Variants in PHLDB2 observed in about 807,000 individuals in gnomAD.
PHLDB2 encodes pleckstrin homology-like domain family B member 2.
A neutral mutation model predicts 123.6 loss-of-function variants in PHLDB2; 71 were observed. The ratio of observed to expected loss-of-function variants is 0.57; its 90% CI spans 0.47 to 0.70. PHLDB2 has a LOEUF of 0.70. Ranked by LOEUF, PHLDB2 falls within the 30% of genes least tolerant of loss-of-function variation. The pLI, the probability that PHLDB2 is intolerant of heterozygous loss-of-function variation, is 0.00. For missense variants in PHLDB2, 1,446 were observed against 1,519.5 expected (o/e 0.95, Z 0.80); for synonymous variants, 547 against 541.6 (o/e 1.01, Z -0.14).
At chr3:111,903,830 A>G (rs538007721) in intron 2 of PHLDB2, among the ~76,000 whole-genome samples, 2 of 152,284 alleles carry the variant, frequency 1.3e-5, no homozygotes, top group South Asian at 2.1e-4. Context: ...GGAGGCACTA[A>G]TCTACTCATC....
chr3:111,958,383 A>T, intron 12 of PHLDB2: 1 of 812,394 alleles, frequency 1.2e-6, no homozygotes, highest in Non-Finnish European at 1.5e-6. Context: ...CTTACTTTCT[A>T]TATTACAGCC....
chr3:111,922,813 A>G (rs1165160451), intron 5 of PHLDB2, among the ~76,000 whole-genome samples: 3 of 152,194 alleles, frequency 2.0e-5, no homozygotes, highest in Non-Finnish European at 2.9e-5. Flanking sequence ...CCTCTGGCTC[A>G]GAGATCATCT....
chr3:111,862,291 T>C (rs1201126990), intron 1 of PHLDB2, among the ~76,000 whole-genome samples: 1 of 152,236 alleles, frequency 6.6e-6, no homozygotes, highest in East Asian at 1.9e-4. Flanking sequence ...CTGTGCCTTA[T>C]GAATCTATCT....
intron 1 of PHLDB2, among the ~76,000 whole-genome samples, chr3:111,826,654 C>T (rs1004834377): frequency 6.6e-6 from 1 of 152,124 alleles, no homozygotes; most frequent in Non-Finnish European, 1.5e-5. Context: ...AGAGGAAATC[C>T]TTAATACCCA....
intron 2 of PHLDB2, among the ~76,000 whole-genome samples, chr3:111,896,551 A>G (rs2066882142): frequency 6.6e-6 from 1 of 152,048 alleles, no homozygotes; most frequent in South Asian, 2.1e-4. Context: ...TTCGCCACGT[A>G]TGTTGGCCAG....
At chr3:111,914,082 G>T (rs74840197) in intron 3 of PHLDB2, 7,130 of 180,922 alleles carry the variant, frequency 0.039, 509 homozygotes, top group African/African-American at 0.15. Flanking sequence ...CACACACATA[G>T]TGTTCTGTAC....
intron 1 of PHLDB2, among the ~76,000 whole-genome samples, chr3:111,772,070 A>AC (rs940053414): frequency 6.1e-4 from 93 of 151,702 alleles, no homozygotes; most frequent in Non-Finnish European, 4.9e-4. Context: ...CTCCTCAAAA[A>AC]AAAGACTAAT....
intron 1 of PHLDB2, among the ~76,000 whole-genome samples, chr3:111,762,349 T>C (rs187121090): frequency 1.4e-5 from 2 of 146,508 alleles, no homozygotes; most frequent in Admixed American, 6.9e-5. Context: ...ATTATATAAC[T>C]AGCATTACCA....
At chr3:111,870,664 C>G (rs982284892) in intron 1 of PHLDB2, among the ~76,000 whole-genome samples, 4 of 152,178 alleles carry the variant, frequency 2.6e-5, no homozygotes, top group Middle Eastern at 3.4e-3. Flanking sequence ...GAAAGCTTCC[C>G]CTCAGGCCCC....
intron 1 of PHLDB2, among the ~76,000 whole-genome samples, chr3:111,868,706 C>G (rs951999224): frequency 5.9e-5 from 9 of 152,034 alleles, no homozygotes; most frequent in Non-Finnish European, 1.2e-4. Context: ...TCCTTTAACA[C>G]AAATGTGAGC....
intron 1 of PHLDB2, among the ~76,000 whole-genome samples, chr3:111,783,592 G>T (rs1054104528): frequency 2.0e-5 from 3 of 151,966 alleles, no homozygotes; most frequent in Non-Finnish European, 4.4e-5. Flanking sequence ...GATCAATGAG[G>T]GAGCAAGCAC....
intron 2 of PHLDB2, among the ~76,000 whole-genome samples, chr3:111,892,831 CTAAT>C (rs2066578545): frequency 6.6e-6 from 1 of 152,032 alleles, no homozygotes; most frequent in Non-Finnish European, 1.5e-5. Context: ...AAGTAAAAGA[CTAAT>C]TGAGCATATT....
At chr3:111,777,913 C>CT (rs34373838) in intron 1 of PHLDB2, among the ~76,000 whole-genome samples, 140,226 of 151,196 alleles carry the variant, frequency 0.93, 65,061 homozygotes, top group East Asian at 1. Flanking sequence ...ATTACCCTCC[C>CT]TTTTTTTTAA....
In PHLDB2 at chr3:111,967,798, A is replaced by G; in HGVS notation, c.3289A>G (p.Lys1097Glu). 6.2e-7 allele frequency: 1 copy of G among 1,611,396 alleles called. No individual in the cohort carries two copies. Among genetic ancestry groups the G allele is most frequent in the Non-Finnish European group, 8.5e-7 (1 of 1,179,140 alleles). ...QRQKLIEKEV[K>E]IRERQRAQAR... ...GCAGAAGTTAATAGAAAAGGAAGTA[A>G]AAATAAGGGAGAGACAAAGGGCACA... is the stretch of plus-strand genomic sequence containing the variant. Residue 1097 changes from lysine (K) to glutamate (E), a missense_variant, in exon 15 of 18, where the codon AAA (lysine) becomes GAA (glutamate). By Grantham distance (56) the Lys-to-Glu change is moderately conservative (BLOSUM62 1). Transcript: ENST00000431670.
intron 1 of PHLDB2, among the ~76,000 whole-genome samples, chr3:111,845,121 G>A (rs2063895609): frequency 6.6e-6 from 1 of 152,172 alleles, no homozygotes; most frequent in Non-Finnish European, 1.5e-5. Flanking sequence ...TTGGAAGGTC[G>A]AGGTGGGTGG....
chr3:111,733,669 A>G (rs949724742), intron 1 of PHLDB2, among the ~76,000 whole-genome samples: 1 of 152,258 alleles, frequency 6.6e-6, no homozygotes, highest in African/African-American at 2.4e-5. Flanking sequence ...TTCTTGAGGA[A>G]GAATAAAGTT....
At chr3:111,825,050 T>C (rs1357626610) in intron 1 of PHLDB2, among the ~76,000 whole-genome samples, 1 of 152,240 alleles carries the variant, frequency 6.6e-6, no homozygotes, top group African/African-American at 2.4e-5. Context: ...TATTTCATGG[T>C]AAACCCCTGA....
Position 111,967,832 on chromosome 3 carries a change from G to C in PHLDB2, c.3315+8G>C, listed in dbSNP as rs376875055. The C allele has an allele frequency of 2.5e-6, 4 of 1,602,060 alleles. No individual in the cohort carries two copies. In the Admixed American group the frequency reaches 7.0e-5, roughly 28 times the overall value. On this transcript the variant is annotated splice_region_variant and intron_variant, in intron 15 of 17. Coordinates refer to ENST00000431670, the MANE Select transcript of PHLDB2 (RefSeq NM_001134438.2). The stretch of plus-strand genomic sequence containing the variant: ...GAGAGACAAAGGGCACAGGTTGGTC[G>C]GTCAATCTGAATGCATATGGGCAGG...
chr3:111,920,182 C>T, intron 4 of PHLDB2, 100 bp from the exon 5 acceptor site: 3 of 1,389,538 alleles, frequency 2.2e-6, no homozygotes, highest in Non-Finnish European at 2.9e-6. Context: ...TACAGTATTA[C>T]TTTTGGAAAT....
Sources: allele counts gnomAD v4.1 joint callset (sites outside exome capture counted in the v4.1 genomes callset), GRCh38; gene constraint gnomAD v4.1.1; transcripts MANE v1.5; gene names NCBI Gene and HGNC (gene_info 2026-07-23, HGNC 2026-07-21).